The following GSE1 variants were observed in gnomAD, a reference collection of about 807,000 sequenced individuals.
GSE1 encodes Gse1 coiled-coil protein, also known as genetic suppressor element 1.
Under a neutral mutation model 112.6 loss-of-function variants are expected in GSE1, and 32 were observed. That is an observed-to-expected ratio of 0.28 (90% CI 0.21 to 0.38). GSE1 has a LOEUF of 0.38. Ranked by LOEUF, GSE1 falls within the 10% of genes least tolerant of loss-of-function variation. GSE1 has a pLI of 1.00. For missense variants in GSE1, 2,348 were observed against 1,699.2 expected (o/e 1.38, Z -6.71); for synonymous variants, 1,115 against 735.6 (o/e 1.52, Z -8.35).
At chr16:85,504,045 C>G (rs1485220466) in intron 2 of GSE1, among the ~76,000 whole-genome samples, 1 of 152,218 alleles carries the variant, frequency 6.6e-6, no homozygotes, top group Admixed American at 6.5e-5. Context: ...CTCCGCCCGC[C>G]CTCTGCCTCC....
chr16:85,666,872 T>C (rs1205278193), intron 13 of GSE1, among the ~76,000 whole-genome samples: 11 of 152,218 alleles, frequency 7.2e-5, no homozygotes, highest in African/African-American at 1.4e-4. Flanking sequence ...ATTAGAAATA[T>C]TTGTGGGTGG....
At chr16:85,501,573 TTTG>T (rs1288803319) in intron 2 of GSE1, among the ~76,000 whole-genome samples, 43 of 152,038 alleles carry the variant, frequency 2.8e-4, no homozygotes, top group African/African-American at 9.4e-4. Context: ...TTAAAAATTT[TTTG>T]CAGAGACTAG....
chr16:85,503,642 C>A (rs942647019), intron 2 of GSE1, among the ~76,000 whole-genome samples: 1 of 152,170 alleles, frequency 6.6e-6, no homozygotes, highest in Non-Finnish European at 1.5e-5. Flanking sequence ...GTATTTTTAA[C>A]CTTAACTGTC....
rs541702204 is a variant in GSE1 at position 85,582,841 on chromosome 16, T to C, written c.37+26478T>C. ...TCATTTAGCTGTTCCGAGCCAGTGA[T>C]CGGGAGGCAGCACAAACTGTGGCAT... is the stretch of plus-strand genomic sequence containing the variant. On this transcript the variant is annotated intron_variant, in intron 1 of 2. Transcript: ENST00000635906. 1.6e-4 allele frequency among the ~76,000 whole-genome samples: 24 copies of C among 152,296 alleles called. No individual in the cohort carries two copies. In the South Asian group the frequency reaches 1.9e-3, roughly 12 times the overall value.
chr16:85,421,122 A>C (rs2048833829), intron 2 of GSE1, among the ~76,000 whole-genome samples: 1 of 152,242 alleles, frequency 6.6e-6, no homozygotes, highest in South Asian at 2.1e-4. Context: ...CCCGGCACGC[A>C]GTGGGCGCTG....
chr16:85,527,249 G>A (rs1455821605), intron 2 of GSE1, among the ~76,000 whole-genome samples: 1 of 152,358 alleles, frequency 6.6e-6, no homozygotes, highest in East Asian at 1.9e-4. Context: ...GGCTGGCTCC[G>A]GCCTCGCCCA....
intron 9 of GSE1, among the ~76,000 whole-genome samples, chr16:85,662,033 G>C (rs2052477442): frequency 6.6e-6 from 1 of 152,214 alleles, no homozygotes; most frequent in South Asian, 2.1e-4. Flanking sequence ...TAGTTCCGCA[G>C]ACAAGCATGA....
At chr16:85,553,317 C>G (rs1207427495), upstream of GSE1, among the ~76,000 whole-genome samples, 6 of 150,510 alleles carry the variant, frequency 4.0e-5, no homozygotes, top group African/African-American at 1.2e-4. Flanking sequence ...CCGCTGCCGG[C>G]GGGTGCAAGG....
At chr16:85,219,517 A>T (rs1278698741) in intron 1 of GSE1, among the ~76,000 whole-genome samples, 1 of 151,998 alleles carries the variant, frequency 6.6e-6, no homozygotes, top group Admixed American at 6.5e-5. Context: ...GCTGTCTTGG[A>T]CCACCTTGCA....
rs1163599177 is a variant in GSE1 at position 85,661,387 on chromosome 16, G to A, written c.1882G>A (p.Val628Ile). 7 of 1,612,248 alleles carry A rather than the reference G, an allele frequency of 4.3e-6. No individual in the cohort carries two copies. In the East Asian group the frequency reaches 1.1e-4, roughly 26 times the overall value. ...CGTGCCGCTGGTGAAGGTGGAGCGG[G>A]TCTTCTGCCCGGAGAAAGCAGAGGA... is the stretch of plus-strand genomic sequence containing the variant. ...AAVPLVKVERVFCPEKAEEGP... is the reference protein window; with the variant it reads ...AAVPLVKVERIFCPEKAEEGP... Residue 628 changes from valine (V) to isoleucine (I), a missense_variant, in exon 9 of 16, where the codon GTC becomes ATC. By Grantham distance (29) the Val-to-Ile change is conservative. Coordinates refer to ENST00000253458, the MANE Select transcript of GSE1 (RefSeq NM_014615.5).
chr16:85,556,909 C>T (rs1214522672), intron 1 of GSE1, among the ~76,000 whole-genome samples: 1 of 151,982 alleles, frequency 6.6e-6, no homozygotes, highest in Admixed American at 6.5e-5. Flanking sequence ...AGGAGGGGGC[C>T]GGGGAAGCTC....
At chr16:85,497,555 C>T (rs1258308870) in intron 2 of GSE1, among the ~76,000 whole-genome samples, 1 of 152,164 alleles carries the variant, frequency 6.6e-6, no homozygotes, top group Non-Finnish European at 1.5e-5. Context: ...TAATGGGAAC[C>T]TATTTTTCTC....
At chr16:85,553,427 C>T (rs1422212765), upstream of GSE1, among the ~76,000 whole-genome samples, 2 of 151,860 alleles carry the variant, frequency 1.3e-5, no homozygotes, top group East Asian at 3.9e-4. Flanking sequence ...GGCGGAGCAG[C>T]CAGAGGTTGG....
chr16:85,638,344 CCA>C (rs1461011911), intron 2 of GSE1, among the ~76,000 whole-genome samples: 1 of 152,196 alleles, frequency 6.6e-6, no homozygotes, highest in Non-Finnish European at 1.5e-5. Context: ...AGTCACCCGC[CCA>C]CCAGCGCGGG....
intron 2 of GSE1, among the ~76,000 whole-genome samples, chr16:85,426,207 A>C (rs2048983441): frequency 1.3e-5 from 2 of 148,226 alleles, no homozygotes; most frequent in Admixed American, 6.7e-5. Flanking sequence ...GGCTGGATGG[A>C]TGGATGGATG....
chr16:85,267,001 T>C (rs1451877040), intron 1 of GSE1, among the ~76,000 whole-genome samples: 1 of 152,198 alleles, frequency 6.6e-6, no homozygotes, highest in African/African-American at 2.4e-5. Flanking sequence ...CCACAGGCCC[T>C]TGGGCTCCGA....
At chr16:85,338,150 C>T (rs1049148772) in intron 1 of GSE1, among the ~76,000 whole-genome samples, 1 of 152,232 alleles carries the variant, frequency 6.6e-6, no homozygotes, top group African/African-American at 2.4e-5. Context: ...GGGCTGCCCA[C>T]GGCAGGGCAG....
chr16:85,628,992 G>A (rs1003072403), intron 1 of GSE1, among the ~76,000 whole-genome samples: 1 of 152,128 alleles, frequency 6.6e-6, no homozygotes, highest in African/African-American at 2.4e-5. Flanking sequence ...CTCATGAAGG[G>A]GTTATCACCG....
intron 1 of GSE1, among the ~76,000 whole-genome samples, chr16:85,192,477 A>G (rs1041566753): frequency 6.6e-6 from 1 of 152,218 alleles, no homozygotes; most frequent in Non-Finnish European, 1.5e-5. Flanking sequence ...CAGGAGTTTC[A>G]TTGGGTGCAT....
Sources: gnomAD v4.1 joint callset for allele counts (sites outside exome capture counted in the v4.1 genomes callset) on GRCh38, gnomAD v4.1.1 for gene constraint, MANE v1.5 for transcripts, NCBI Gene and HGNC (gene_info 2026-07-23, HGNC 2026-07-21) for gene names.